Variants in NAALADL1 observed in about 807,000 individuals in gnomAD.
NAALADL1 encodes the protein N-acetylated alpha-linked acidic dipeptidase like 1.
In NAALADL1, 77 loss-of-function variants were observed where a neutral mutation model predicts 82.8. The ratio of observed to expected loss-of-function variants is 0.93; its 90% CI spans 0.77 to 1.12. NAALADL1 has a LOEUF of 1.12. Ranked by LOEUF, NAALADL1 falls within the 50% of genes most tolerant of loss-of-function variation. The pLI, the probability that NAALADL1 is intolerant of heterozygous loss-of-function variation, is 0.00. For missense variants in NAALADL1, 956 were observed against 964.0 expected (o/e 0.99, Z 0.11); for synonymous variants, 358 against 399.2 (o/e 0.90, Z 1.23).
chr11:65,058,192 G>C lies in NAALADL1; in HGVS notation c.244C>G (p.Leu82Val). Residue 82 changes from leucine to valine, a missense_variant, in exon 2 of 18, where the codon CTG becomes GTG. Leu to Val is a conservative substitution (Grantham distance 32, BLOSUM62 1). Coordinates refer to ENST00000358658, the MANE Select transcript of NAALADL1 (RefSeq NM_005468.3). The stretch of plus-strand genomic sequence containing the variant: ...GGGTCCTTCCAGCGCTGCAGCAGCA[G>C]CTGCACCAGGTCCTCATCCCGAGGG... The part of the protein sequence containing the change: ...SSPRDEDLVQ[L>V]LLQRWKDPES... The C allele has an allele frequency of 6.2e-7, 1 of 1,613,626 alleles. No individual in the cohort carries two copies. Among genetic ancestry groups the C allele is most frequent in the Non-Finnish European group, 8.5e-7 (1 of 1,179,808 alleles).
chr11:65,052,705 C>T (rs1946921527), intron 8 of NAALADL1, among the ~76,000 whole-genome samples: 1 of 152,192 alleles, frequency 6.6e-6, no homozygotes, highest in Non-Finnish European at 1.5e-5. Flanking sequence ...CTCCAAACTC[C>T]TCAGCCTGGC....
At chr11:65,051,241 C>G (rs1195605331) in intron 8 of NAALADL1, among the ~76,000 whole-genome samples, 1 of 150,864 alleles carries the variant, frequency 6.6e-6, no homozygotes, top group Admixed American at 6.6e-5. Flanking sequence ...CTCAGCAACA[C>G]CTGTGGTTTC....
chr11:65,060,280 G>C (rs1424934367), upstream of NAALADL1, among the ~76,000 whole-genome samples: 1 of 152,138 alleles, frequency 6.6e-6, no homozygotes, highest in Non-Finnish European at 1.5e-5. Flanking sequence ...GAGGACTAGG[G>C]GTGGCTGGGA....
rs1228706045 is a variant in NAALADL1 at position 65,053,559 on chromosome 11, A to G, written c.1010T>C (p.Val337Ala). Residue 337 changes from valine (V) to alanine (A), a missense_variant, in exon 7 of 18, where the codon GTC becomes GCC. Coordinates refer to ENST00000358658, the MANE Select transcript of NAALADL1 (RefSeq NM_005468.3). This position sits in a 1 kb window ranked among gnomAD's most constrained non-coding sequence, Gnocchi z 4.3. ...FPADSQVNVS[V>A]YNRLELRNSS... ...GTTCCTCAGCTCCAGGCGGTTGTAG[A>G]CGCTCACATTCACCTGGCTGGGGAG... 6.2e-7 allele frequency: 1 copy of G among 1,605,252 alleles called. No individual in the cohort carries two copies. Among genetic ancestry groups the G allele is most frequent in the Non-Finnish European group, 8.5e-7 (1 of 1,174,594 alleles).
chr11:65,059,890 C>T (rs1947147940), upstream of NAALADL1, among the ~76,000 whole-genome samples: 1 of 152,166 alleles, frequency 6.6e-6, no homozygotes, highest in Non-Finnish European at 1.5e-5. Flanking sequence ...AAAGGTGTTC[C>T]AGCATTTGCA....
At chr11:65,049,808 G>A (rs1281512014) in intron 8 of NAALADL1, among the ~76,000 whole-genome samples, 1 of 152,176 alleles carries the variant, frequency 6.6e-6, no homozygotes, top group African/African-American at 2.4e-5. Context: ...AGGAGGTCGA[G>A]CAAGCAGTGA....
intron 4 of NAALADL1, among the ~76,000 whole-genome samples, chr11:65,055,274 TA>T (rs1385978161): frequency 3.9e-5 from 6 of 152,094 alleles, no homozygotes; most frequent in Admixed American, 2.6e-4. Flanking sequence ...TTGTCTCTAC[TA>T]AAAATACAGA....
At position 65,051,330 on chromosome 11, in the gene NAALADL1, T is replaced by C. The variant is rs1193488849; in HGVS notation, c.1198+1888A>G. On this transcript the variant is annotated intron_variant, in intron 8 of 17. Transcript: ENST00000358658. ...TTCTTTCTTTCTTTTTTTTTTTTTTTTTTTTTTTTTTTTTTTTTTTTTTTG... is the reference window on the plus strand; with the variant it reads ...TTCTTTCTTTCTTTTTTTTTTTTTTCTTTTTTTTTTTTTTTTTTTTTTTTG... 7.2e-3 allele frequency among the ~76,000 whole-genome samples: 384 copies of C among 53,294 alleles called. 31 individuals carry two copies. The East Asian group carries it at 0.41, about 57-fold the overall frequency. The allele number at this position is 53,294 out of a possible 152,430, so 35.0% of individuals were successfully genotyped here. A position where few individuals can be genotyped will look rare whatever the true frequency, so the allele number is the denominator to read the frequency against.
upstream of NAALADL1, among the ~76,000 whole-genome samples, chr11:65,059,036 T>C (rs999824618): frequency 7.9e-5 from 12 of 151,966 alleles, no homozygotes; most frequent in African/African-American, 2.4e-4. Context: ...TTTTCTAGAC[T>C]GTGTCTTCCA....
chr11:65,053,173 C>T lies in NAALADL1; in HGVS notation c.1198+45G>A, dbSNP rs1044079652. ...AGAGGAGGTGGAACAGGAAGGGGAC[C>T]TCCGGGGGCGAAGGTCCCTGGTCCA... On this transcript the variant is annotated intron_variant, in intron 8 of 17. Coordinates refer to ENST00000358658, the MANE Select transcript of NAALADL1 (RefSeq NM_005468.3). This position sits in a 1 kb window ranked among gnomAD's most constrained non-coding sequence, Gnocchi z 4.3. The T allele has an allele frequency of 4.0e-6, 6 of 1,495,748 alleles. No homozygotes were observed. The African/African-American group carries it at 8.4e-5, about 21-fold the overall frequency. 92.7% of individuals were successfully genotyped at this position (1,495,748 alleles called of 1,614,324 possible). A position where few individuals can be genotyped will look rare whatever the true frequency, so the allele number is the denominator to read the frequency against.
chr11:65,054,147 G>C lies in NAALADL1; in HGVS notation c.992+103C>G. 1 of 1,040,142 alleles carries C rather than the reference G, an allele frequency of 9.6e-7. No homozygotes were observed. The highest frequency in any genetic ancestry group is 1.4e-6 in the Non-Finnish European group (1 of 700,454). 64.4% of individuals were successfully genotyped at this position (1,040,142 alleles called of 1,614,324 possible). ...TGGGAGAGAGAGGAAAGGGAAAAAG[G>C]TCAGGCTTTGAAGTGGAAAGAGGGA... On this transcript the variant is annotated intron_variant, in intron 6 of 17. Transcript: ENST00000358658. This position sits in a 1 kb window ranked among gnomAD's most constrained non-coding sequence, Gnocchi z 4.3.
Position 65,053,180 on chromosome 11 carries a change from G to A in NAALADL1, c.1198+38C>T. 6.7e-7 allele frequency: 1 copy of A among 1,500,802 alleles called. No individual in the cohort carries two copies. Among genetic ancestry groups the A allele is most frequent in the East Asian group, 2.4e-5 (1 of 40,882 alleles). The allele number at this position is 1,500,802 out of a possible 1,614,324, so 93.0% of individuals were successfully genotyped here. A position where few individuals can be genotyped will look rare whatever the true frequency, so the allele number is the denominator to read the frequency against. On this transcript the variant is annotated intron_variant, in intron 8 of 17. Transcript: ENST00000358658. The surrounding 1 kb of genome is among the most constrained non-coding windows in gnomAD (Gnocchi z 4.3). ...GTGGAACAGGAAGGGGACCTCCGGGGGCGAAGGTCCCTGGTCCAGGGGAGG... is the reference window on the plus strand; with the variant it reads ...GTGGAACAGGAAGGGGACCTCCGGGAGCGAAGGTCCCTGGTCCAGGGGAGG...
At chr11:65,056,566 ATTTTTG>A (rs1405086305) in intron 4 of NAALADL1, among the ~76,000 whole-genome samples, 1 of 151,550 alleles carries the variant, frequency 6.6e-6, no homozygotes, top group Non-Finnish European at 1.5e-5. Flanking sequence ...CACCCAGCTA[ATTTTTG>A]TTTTTTTGTA....
At position 65,058,111 on chromosome 11, in the gene NAALADL1, G is replaced by A; in HGVS notation, c.325C>T (p.Pro109Ser). ...ACGACGTTGGGCTGCTCCTGGCTAG[G>A]GAAGGACAGCAGCACTTCGTACGTG... The part of the protein sequence containing the change: ...ASTYEVLLSF[P>S]SQEQPNVVDI... The change falls in exon 2 of 18, where the codon CCT (proline) becomes TCT (serine). Residue 109 changes from proline to serine, a missense_variant. Pro to Ser is a moderately conservative substitution (Grantham distance 74, BLOSUM62 -1). Coordinates refer to ENST00000358658, the MANE Select transcript of NAALADL1 (RefSeq NM_005468.3). 1 of 1,612,762 alleles carries A rather than the reference G, an allele frequency of 6.2e-7. No individual in the cohort carries two copies. The highest frequency in any genetic ancestry group is 8.5e-7 in the Non-Finnish European group (1 of 1,179,090).
At chr11:65,046,394 C>T in intron 14 of NAALADL1, 32 bp from the exon 15 acceptor site, 2 of 1,614,214 alleles carry the variant, frequency 1.2e-6, no homozygotes, top group Non-Finnish European at 1.7e-6. Context: ...AGGGCTCAGT[C>T]TTCAGCCTCT....
In NAALADL1 at chr11:65,053,214, T is replaced by C; in HGVS notation, c.1198+4A>G. ...CCCTGGTCCAGGGGAGGGGGCCGCC[T>C]CACCCTTCTTCAGCAGGGTCCCCAG... On this transcript the variant is annotated splice_donor_region_variant and intron_variant, in intron 8 of 17. Coordinates refer to ENST00000358658, the MANE Select transcript of NAALADL1 (RefSeq NM_005468.3). This position sits in a 1 kb window ranked among gnomAD's most constrained non-coding sequence, Gnocchi z 4.3. The C allele has an allele frequency of 1.3e-6, 2 of 1,537,750 alleles. No individual in the cohort carries two copies. Among genetic ancestry groups the C allele is most frequent in the East Asian group, 2.4e-5 (1 of 41,268 alleles).
chr11:65,053,425 G>A lies in NAALADL1; in HGVS notation c.1078+66C>T, dbSNP rs749840732. On this transcript the variant is annotated intron_variant, in intron 7 of 17. Transcript: ENST00000358658. The surrounding 1 kb of genome is among the most constrained non-coding windows in gnomAD (Gnocchi z 4.3). ...CTGGGTGGTGGCAAGGGCAGGGCTG[G>A]ATGAGGACAGCGGCATCCAGAGCAG... The A allele has an allele frequency of 1.9e-6, 3 of 1,612,740 alleles. No individual in the cohort carries two copies. The South Asian group carries it at 3.3e-5, about 18-fold the overall frequency.
intron 8 of NAALADL1, among the ~76,000 whole-genome samples, chr11:65,051,574 C>T (rs1158016187): frequency 6.6e-6 from 1 of 151,764 alleles, no homozygotes; most frequent in Non-Finnish European, 1.5e-5. Context: ...TCAAGCAATC[C>T]GCCCACCTCA....
chr11:65,045,499 G>A lies in NAALADL1; in HGVS notation c.2037-42C>T, dbSNP rs758095730. The A allele has an allele frequency of 5.2e-6, 8 of 1,539,938 alleles. No homozygotes were observed. In the East Asian group the frequency reaches 9.1e-5, roughly 18 times the overall value. ...GACAGGATCAGGGTCAGTCAGTCAG[G>A]GGCCAGGAAAGAGAAGCCTGGGCCT... On this transcript the variant is annotated intron_variant, in intron 17 of 17. Transcript: ENST00000358658.
Sources: gnomAD v4.1 joint callset for allele counts (sites outside exome capture counted in the v4.1 genomes callset) on GRCh38, gnomAD v4.1.1 for gene constraint, Gnocchi (gnomAD v3.1) non-coding constraint, MANE v1.5 for transcripts, NCBI Gene and HGNC (gene_info 2026-07-23, HGNC 2026-07-21) for gene names.